Variants in MON2 observed in about 807,000 individuals in gnomAD.
MON2 encodes the protein protein MON2 homolog.
Under a neutral mutation model 208.6 loss-of-function variants are expected in MON2, and 84 were observed. That is an observed-to-expected ratio of 0.40 (90% confidence interval 0.34 to 0.48). The LOEUF is 0.48. MON2 is among the 20% of genes least tolerant of loss of function. The pLI is 0.59. For synonymous variants in MON2, 660 were observed against 694.0 expected (o/e 0.95, Z 0.77); for missense variants, 1,611 against 2,015.4 (o/e 0.80, Z 3.84).
At chr12:62,492,441 G>A (rs1405023119) in intron 2 of MON2, among the ~76,000 whole-genome samples, 4 of 139,086 alleles carry the variant, frequency 2.9e-5, no homozygotes, top group African/African-American at 1.1e-4. Context: ...GCGCAATCTC[G>A]GCTCACTGCA....
At chr12:62,542,698 A>C (rs1033462045) in intron 19 of MON2, among the ~76,000 whole-genome samples, 3 of 151,888 alleles carry the variant, frequency 2.0e-5, no homozygotes, top group African/African-American at 7.3e-5. Context: ...TCTTGATTTC[A>C]TTTTCCTTTT....
At chr12:62,498,551 A>G (rs984465566) in intron 4 of MON2, among the ~76,000 whole-genome samples, 4 of 152,174 alleles carry the variant, frequency 2.6e-5, no homozygotes, top group Admixed American at 6.5e-5. Context: ...AAAGTTTCAT[A>G]ATTTTATTTA....
chr12:62,520,163 A>G (rs998762094), intron 8 of MON2, among the ~76,000 whole-genome samples: 1 of 152,366 alleles, frequency 6.6e-6, no homozygotes, highest in African/African-American at 2.4e-5. Context: ...ACTGTGTTAC[A>G]GTAAAATTCA....
intron 29 of MON2, among the ~76,000 whole-genome samples, chr12:62,567,998 C>T (rs1010440104): frequency 6.6e-6 from 1 of 152,168 alleles, no homozygotes; most frequent in Non-Finnish European, 1.5e-5. Flanking sequence ...TGAGATACAG[C>T]ATTTAATGAT....
chr12:62,501,425 C>G, intron 6 of MON2, 148 bp from the exon 7 acceptor site: 1 of 785,080 alleles, frequency 1.3e-6, no homozygotes, highest in Non-Finnish European at 2.0e-6. Flanking sequence ...CACAATTTGT[C>G]AAAATTGGAA....
rs2071152108 is a variant in MON2, at chr12:62,507,247, C to T, written c.790-1039C>T. ...TAGGAAATTTTCTCTCCTCAGCTAC[C>T]TATTTTAAACTATTTGCTTGAGTTT... On this transcript the variant is annotated intron_variant, in intron 7 of 34. Coordinates refer to ENST00000393630, the MANE Select transcript of MON2 (RefSeq NM_015026.3). Among the ~76,000 whole-genome samples the T allele has an allele frequency of 1.3e-5, 2 of 152,036 alleles. 1 individual carries two copies. Among genetic ancestry groups the T allele is most frequent in the South Asian group, 4.2e-4 (2 of 4,810 alleles).
At position 62,585,596 on chromosome 12, in the gene MON2, T is replaced by C; in HGVS notation, c.4907+95T>C. On this transcript the variant is annotated intron_variant, in intron 33 of 34. Transcript: ENST00000393630. ...GAAAAGCAAGTGTTTTTGTAAGTGATCTGAACTAAGCTGAAGTTGTTTATA... is the reference window on the plus strand; with the variant it reads ...GAAAAGCAAGTGTTTTTGTAAGTGACCTGAACTAAGCTGAAGTTGTTTATA... 3 of 978,800 alleles carry C rather than the reference T, an allele frequency of 3.1e-6. No homozygotes were observed. In the South Asian group the frequency reaches 5.4e-5, roughly 18 times the overall value. The allele number at this position is 978,800 out of a possible 1,614,324, so 60.6% of individuals were successfully genotyped here.
At position 62,526,120 on chromosome 12, in the gene MON2, T is replaced by C. The variant is rs747160637; in HGVS notation, c.1400+18T>C. Reference sequence around the variant, plus strand: ...GCCACCTAGTAAGTAGTAGCAGCATTATTTTATAAGGAATGATGTTGTTGG... The same window carrying C: ...GCCACCTAGTAAGTAGTAGCAGCATCATTTTATAAGGAATGATGTTGTTGG... On this transcript the variant is annotated intron_variant, in intron 11 of 34. Coordinates refer to ENST00000393630, the MANE Select transcript of MON2 (RefSeq NM_015026.3). 6.2e-7 allele frequency: 1 copy of C among 1,607,666 alleles called. No homozygotes were observed. The highest frequency in any genetic ancestry group is 2.2e-5 in the East Asian group (1 of 44,786).
At chr12:62,572,550 A>G (rs1279298709) in intron 30 of MON2, among the ~76,000 whole-genome samples, 1 of 152,098 alleles carries the variant, frequency 6.6e-6, no homozygotes, top group African/African-American at 2.4e-5. Context: ...GGCTCAAGCA[A>G]TCCTCTCACC....
chr12:62,538,284 A>G lies in MON2; in HGVS notation c.2232A>G (p.Pro744=), dbSNP rs763212601. The G allele has an allele frequency of 8.7e-6, 14 of 1,613,548 alleles. No individual in the cohort carries two copies. Among genetic ancestry groups the G allele is most frequent in the Admixed American group, 3.3e-5 (2 of 59,998 alleles). ...CAACAGCAGTGATGACAGATTTACCAGTGATTTCCAATATACTTTCAAGAT... is the reference window on the plus strand; with the variant it reads ...CAACAGCAGTGATGACAGATTTACCGGTGATTTCCAATATACTTTCAAGAT... ...VLTTAVMTDL[P]VISNILSRLF... Residue 744 remains proline (P), a synonymous_variant, in exon 18 of 35, where the codon CCA becomes CCG. Transcript: ENST00000393630.
At chr12:62,565,653 A>G (rs2074352478) in intron 27 of MON2, among the ~76,000 whole-genome samples, 1 of 152,132 alleles carries the variant, frequency 6.6e-6, no homozygotes, top group Non-Finnish European at 1.5e-5. Flanking sequence ...TCTTTCTTGA[A>G]AAATATAAGT....
chr12:62,565,977 A>G (rs2074369779), intron 27 of MON2, 37 bp from the exon 28 acceptor site: 1 of 1,581,510 alleles, frequency 6.3e-7, no homozygotes. Flanking sequence ...AACTTTTCTC[A>G]TTCTATTTGT....
In MON2 at chr12:62,590,737, G is replaced by A. The variant is rs903352617; in HGVS notation, c.4991-1849G>A. ...GTTCTGTTGCCCAGGCTGGAGTGCA[G>A]TGGTGCTATCTCAGCTCACTGAAAC... On this transcript the variant is annotated intron_variant, in intron 34 of 34. Transcript: ENST00000393630. Among the ~76,000 whole-genome samples the A allele has an allele frequency of 3.3e-5, 5 of 152,204 alleles. No homozygotes were observed. In the South Asian group the frequency reaches 1.0e-3, roughly 31 times the overall value.
In MON2 at chr12:62,538,293, C is replaced by T. The variant is rs766528382; in HGVS notation, c.2241C>T (p.Ser747=). 2.5e-6 allele frequency: 4 copies of T among 1,613,360 alleles called. No homozygotes were observed. The South Asian group carries it at 4.4e-5, about 18-fold the overall frequency. The part of the protein sequence containing the change: ...TAVMTDLPVI[S]NILSRLFESS... ...TGATGACAGATTTACCAGTGATTTC[C>T]AATATACTTTCAAGATTGTTTGAAA... Residue 747 remains serine (S), a synonymous_variant, in exon 18 of 35, where the codon TCC becomes TCT. Coordinates refer to ENST00000393630, the MANE Select transcript of MON2 (RefSeq NM_015026.3).
chr12:62,521,067 G>A (rs549109147), intron 8 of MON2, among the ~76,000 whole-genome samples: 5 of 151,226 alleles, frequency 3.3e-5, no homozygotes, highest in South Asian at 2.1e-4. Context: ...GTGCAGTGGC[G>A]CGATCTCGGC....
At chr12:62,525,296 T>G (rs774196358) in intron 10 of MON2, 76 bp downstream of exon 10, 88 of 1,481,138 alleles carry the variant, frequency 5.9e-5, no homozygotes, top group Non-Finnish European at 7.9e-5. Context: ...GAGGATATTA[T>G]GAAATTCTGT....
At chr12:62,536,635 C>A (rs2072986124) in intron 14 of MON2, among the ~76,000 whole-genome samples, 1 of 151,118 alleles carries the variant, frequency 6.6e-6, no homozygotes, top group Admixed American at 6.6e-5. Flanking sequence ...TAGAAAATTA[C>A]TTAATATTTG....
chr12:62,575,738 G>A (rs989783604), intron 30 of MON2, among the ~76,000 whole-genome samples: 9 of 152,244 alleles, frequency 5.9e-5, no homozygotes, highest in South Asian at 4.1e-4. Flanking sequence ...TTTGCATGTC[G>A]TTGAGGGCTA....
chr12:62,475,942 T>C lies in MON2; in HGVS notation c.112-8228T>C, dbSNP rs554499921. Among the ~76,000 whole-genome samples, 19 of 151,358 alleles carry C rather than the reference T, an allele frequency of 1.3e-4. No homozygotes were observed. The South Asian group carries it at 3.8e-3, about 30-fold the overall frequency. Reference sequence around the variant, plus strand: ...AGGAGAATCACTTGAACCCGGGAGGTGGAGGTTGCAGTGAGCCGAGATCTC... The same window carrying C: ...AGGAGAATCACTTGAACCCGGGAGGCGGAGGTTGCAGTGAGCCGAGATCTC... On this transcript the variant is annotated intron_variant, in intron 1 of 34. Transcript: ENST00000393630.
Sources: allele counts gnomAD v4.1 joint callset (sites outside exome capture counted in the v4.1 genomes callset), GRCh38; gene constraint gnomAD v4.1.1; transcripts MANE v1.5; gene names NCBI Gene and HGNC (gene_info 2026-07-23, HGNC 2026-07-21).